Variants in PCDHA1 observed in about 807,000 individuals in gnomAD.
The protein encoded by PCDHA1 is protocadherin alpha-1.
PCDHA1 carries 42 observed loss-of-function variants against 61.3 expected under a neutral mutation model. That is an observed-to-expected ratio of 0.69 (90% confidence interval 0.54 to 0.89). The LOEUF is 0.89. Among genes scored for constraint, PCDHA1 ranks in the 40% least tolerant of loss-of-function variants. The pLI is 0.00. For synonymous variants in PCDHA1, 610 were observed against 553.8 expected (o/e 1.10, Z -1.43); for missense variants, 1,256 against 1,235.3 (o/e 1.02, Z -0.25).
At chr5:140,870,021 TTTAGA>T (rs782664085) in intron 1 of PCDHA1, 39 of 1,613,464 alleles carry the variant, frequency 2.4e-5, no homozygotes, top group Non-Finnish European at 3.1e-5. Flanking sequence ...TCAATGGAAC[TTTAGA>T]TTATGAAGAA....
intron 1 of PCDHA1, among the ~76,000 whole-genome samples, chr5:140,880,215 G>A (rs944497497): frequency 3.3e-5 from 5 of 152,162 alleles, no homozygotes; most frequent in Non-Finnish European, 5.9e-5. Context: ...TCCACCAGAA[G>A]TAGAACATTT....
intron 1 of PCDHA1, among the ~76,000 whole-genome samples, chr5:140,931,876 T>G (rs533517349): frequency 1.3e-5 from 2 of 152,112 alleles, no homozygotes; most frequent in South Asian, 4.1e-4. Context: ...AAATATTTAT[T>G]GCTTTCATTT....
chr5:140,886,127 C>T (rs1308479455), intron 1 of PCDHA1, among the ~76,000 whole-genome samples: 5 of 152,172 alleles, frequency 3.3e-5, no homozygotes, highest in African/African-American at 1.2e-4. Flanking sequence ...AGTTCCGTAA[C>T]AACCAGATTC....
chr5:140,882,164 C>T (rs2058984922), intron 1 of PCDHA1: 2 of 1,509,832 alleles, frequency 1.3e-6, no homozygotes. Flanking sequence ...ATACCTCTTG[C>T]GAATCCTTCC....
chr5:140,882,513 G>A (rs2059164592), intron 1 of PCDHA1: 3 of 1,614,072 alleles, frequency 1.9e-6, no homozygotes, highest in Admixed American at 3.3e-5. Context: ...CTGCAGAATG[G>A]CATTTTGTTT....
chr5:140,856,176 T>C lies in PCDHA1; in HGVS notation c.2394+67492T>C, dbSNP rs782159422. ...TACGAGGAGGCCAGACACGGCACCT[T>C]CGTGGGCCGCATCGCGCAGGACCTG... On this transcript the variant is annotated intron_variant, in intron 1 of 3. Coordinates refer to ENST00000504120, the MANE Select transcript of PCDHA1 (RefSeq NM_018900.4). 5 of 1,598,130 alleles carry C rather than the reference T, an allele frequency of 3.1e-6. No homozygotes were observed. In the South Asian group the frequency reaches 5.5e-5, roughly 18 times the overall value.
chr5:140,954,845 C>T (rs1479368081), intron 1 of PCDHA1, among the ~76,000 whole-genome samples: 2 of 152,140 alleles, frequency 1.3e-5, no homozygotes, highest in African/African-American at 4.8e-5. Context: ...AAATCTTTGC[C>T]TGTGCCTATG....
At chr5:140,856,971 A>C (rs782790207) in intron 1 of PCDHA1, 1 of 1,594,450 alleles carries the variant, frequency 6.3e-7, no homozygotes, top group East Asian at 2.2e-5. Flanking sequence ...GATGCTATTG[A>C]CTTTGAGGAC....
intron 3 of PCDHA1, 171 bp from the exon 4 acceptor site, chr5:141,009,456 C>CAAAT: frequency 3.2e-6 from 3 of 947,762 alleles, no homozygotes; most frequent in Non-Finnish European, 2.5e-6. Flanking sequence ...AAAAATTAAA[C>CAAAT]AAATAAATAA....
At chr5:140,950,219 C>G (rs1173605199) in intron 1 of PCDHA1, among the ~76,000 whole-genome samples, 4 of 151,898 alleles carry the variant, frequency 2.6e-5, no homozygotes, top group African/African-American at 9.7e-5. Flanking sequence ...TAGTCATTTA[C>G]CATTTCTAGT....
At position 140,803,277 on chromosome 5, in the gene PCDHA1, G is replaced by A. The variant is rs781928066; in HGVS notation, c.2394+14593G>A. ...CGCCACGGGCCCGGAAGCTGCACTG[G>A]TGGATGTCAACGTGTACTTGATCGT... On this transcript the variant is annotated intron_variant, in intron 1 of 3. Coordinates refer to ENST00000504120, the MANE Select transcript of PCDHA1 (RefSeq NM_018900.4). The A allele has an allele frequency of 4.3e-6, 7 of 1,613,928 alleles. No individual in the cohort carries two copies. The East Asian group carries it at 1.3e-4, about 31-fold the overall frequency.
At chr5:140,859,812 C>T (rs1238470034) in intron 1 of PCDHA1, 3 of 152,286 alleles carry the variant, frequency 2.0e-5, no homozygotes, top group African/African-American at 7.3e-5. Flanking sequence ...TAAGTTAATG[C>T]AGAGTTTAGA....
chr5:140,986,753 A>C (rs2097211895), intron 3 of PCDHA1, among the ~76,000 whole-genome samples: 1 of 152,236 alleles, frequency 6.6e-6, no homozygotes, highest in Non-Finnish European at 1.5e-5. Flanking sequence ...CTGGGACTAA[A>C]CAGTGAAAGA....
At chr5:140,928,271 C>G in intron 1 of PCDHA1, 2 of 1,614,186 alleles carry the variant, frequency 1.2e-6, no homozygotes, top group East Asian at 4.5e-5. Flanking sequence ...AACAATGGCC[C>G]TGGGGCCTCT....
At chr5:140,840,489 C>T (rs2150307286) in intron 1 of PCDHA1, among the ~76,000 whole-genome samples, 6 of 151,924 alleles carry the variant, frequency 3.9e-5, no homozygotes, top group Non-Finnish European at 5.9e-5. Flanking sequence ...AGGCATAATT[C>T]TGGTAAATAC....
chr5:140,999,568 G>A (rs1554256885), intron 3 of PCDHA1, among the ~76,000 whole-genome samples: 1 of 152,084 alleles, frequency 6.6e-6, no homozygotes, highest in Non-Finnish European at 1.5e-5. Context: ...TTTGAGAAGA[G>A]ACTATAAAGG....
chr5:140,841,085 A>G, intron 1 of PCDHA1: 1 of 553,322 alleles, frequency 1.8e-6, no homozygotes. Context: ...AAGTGCATAG[A>G]AGAACCCAGA....
chr5:140,850,139 C>G (rs2041373469), intron 1 of PCDHA1: 1 of 1,595,636 alleles, frequency 6.3e-7, no homozygotes, highest in African/African-American at 1.3e-5. Context: ...TGGGCAGCAA[C>G]GTGACGCTGC....
Position 140,920,248 on chromosome 5 carries a change from C to T in PCDHA1, c.2395-58701C>T, listed in dbSNP as rs77829363. 2.9e-3 allele frequency among the ~76,000 whole-genome samples: 443 copies of T among 152,218 alleles called. 1 individual carries two copies. The highest frequency in any genetic ancestry group is 0.01 in the African/African-American group (423 of 41,510). Reference sequence around the variant, plus strand: ...TAGTATTATATACCCAACAATACATCGCTATAATAATTATTACTTTATGTA... The same window carrying T: ...TAGTATTATATACCCAACAATACATTGCTATAATAATTATTACTTTATGTA... On this transcript the variant is annotated intron_variant, in intron 1 of 3. Coordinates refer to ENST00000504120, the MANE Select transcript of PCDHA1 (RefSeq NM_018900.4).
Sources: allele counts gnomAD v4.1 joint callset (sites outside exome capture counted in the v4.1 genomes callset), GRCh38; gene constraint gnomAD v4.1.1; transcripts MANE v1.5; gene names NCBI Gene and HGNC (gene_info 2026-07-23, HGNC 2026-07-21).